The following ABL1 variants were observed in gnomAD, a reference collection of about 807,000 sequenced individuals.
ABL1 encodes ABL proto-oncogene 1, non-receptor tyrosine kinase.
ABL1 carries 11 observed loss-of-function variants against 94.7 expected under a neutral mutation model. The ratio of observed to expected loss-of-function variants is 0.12; its 90% CI spans 0.07 to 0.19. The LOEUF (loss-of-function observed/expected upper bound fraction) is 0.19. Ranked by LOEUF, ABL1 falls within the 10% of genes least tolerant of loss-of-function variation. The pLI, the probability that ABL1 is intolerant of heterozygous loss-of-function variation, is 1.00. For synonymous variants in ABL1, 656 were observed against 622.4 expected (o/e 1.05, Z -0.80); for missense variants, 1,082 against 1,489.4 (o/e 0.73, Z 4.50).
Position 130,855,022 on chromosome 9 carries a change from G to A in ABL1, c.475G>A (p.Gly159Ser), listed in dbSNP as rs1064153. The A allele has an allele frequency of 6.2e-7, 1 of 1,614,166 alleles. No individual in the cohort carries two copies. The highest frequency in any genetic ancestry group is 8.5e-7 in the Non-Finnish European group (1 of 1,180,030). The change falls in exon 3 of 11, where the codon GGC (glycine) becomes AGC (serine). Residue 159 changes from glycine to serine, a missense_variant. Gly to Ser is a moderately conservative substitution (Grantham distance 56). Around this residue, in one of 7 missense-constraint regions of ABL1, gnomAD observed 47 missense variants for 142.2 expected, o/e 0.33. Coordinates refer to ENST00000318560, the MANE Select transcript of ABL1 (RefSeq NM_005157.6). ...GGTGCGTGAGAGTGAGAGCAGTCCT[G>A]GCCAGAGGTCCATCTCGCTGAGATA... ...FLVRESESSP[G>S]QRSISLRYEG...
intron 1 of ABL1, among the ~76,000 whole-genome samples, chr9:130,725,824 GT>G (rs34517462): frequency 2.9e-3 from 217 of 75,994 alleles, no homozygotes; most frequent in African/African-American, 0.01. Flanking sequence ...GTGTATGGTG[GT>G]TTTTTTTTTT....
chr9:130,840,527 T>G (rs1292709648), intron 1 of ABL1, among the ~76,000 whole-genome samples: 11 of 152,234 alleles, frequency 7.2e-5, no homozygotes, highest in Admixed American at 7.2e-4. Context: ...GGTAGCTTTC[T>G]TAAATACATA....
chr9:130,870,775 G>A (rs1831239287), intron 4 of ABL1, among the ~76,000 whole-genome samples: 2 of 152,158 alleles, frequency 1.3e-5, no homozygotes, highest in Admixed American at 1.3e-4. Flanking sequence ...TTTAAAGAGC[G>A]ATAAATTGTT....
At chr9:130,854,662 C>T (rs867238359) in intron 2 of ABL1, 139 bp from the exon 3 acceptor site, 1 of 887,046 alleles carries the variant, frequency 1.1e-6, no homozygotes. Context: ...CTTATAAATG[C>T]ATATCTTTAT....
rs34978348 is a variant in ABL1, at chr9:130,814,285, C to CAA, written c.137-39770_137-39769dup. Among the ~76,000 whole-genome samples, 12 of 138,158 alleles carry CAA rather than the reference C, an allele frequency of 8.7e-5. No homozygotes were observed. The highest frequency in any genetic ancestry group is 4.4e-4 in the East Asian group (2 of 4,514). 90.6% of individuals were successfully genotyped at this position (138,158 alleles called of 152,430 possible). The stretch of plus-strand genomic sequence containing the variant: ...CTAGCGACAGAACGAGACTCCGTCT[C>CAA]AAAAAAAAAAGAAAGAAAGAAAGAA... On this transcript the variant is annotated intron_variant, in intron 1 of 10. Transcript: ENST00000372348. This position sits in a 1 kb window ranked among gnomAD's most constrained non-coding sequence, Gnocchi z 4.4.
intron 1 of ABL1, among the ~76,000 whole-genome samples, chr9:130,729,218 A>T (rs186770051): frequency 2.6e-5 from 4 of 152,274 alleles, no homozygotes; most frequent in Admixed American, 2.0e-4. Context: ...CCCTGGATGA[A>T]CTGGTACTTG....
chr9:130,854,271 A>G (rs764420863), intron 2 of ABL1, 34 bp downstream of exon 2: 1 of 1,600,860 alleles, frequency 6.2e-7, no homozygotes, highest in African/African-American at 1.3e-5. Context: ...TGGTGGTTGC[A>G]GGAGATAGAA....
chr9:130,735,444 TCTC>T (rs962360196), intron 1 of ABL1, among the ~76,000 whole-genome samples: 3 of 151,952 alleles, frequency 2.0e-5, no homozygotes, highest in East Asian at 3.9e-4. Context: ...TCCTTTTCCT[TCTC>T]CTACTCCTCT....
At chr9:130,761,858 C>T (rs780407699) in intron 1 of ABL1, among the ~76,000 whole-genome samples, 1 of 152,020 alleles carries the variant, frequency 6.6e-6, no homozygotes, top group African/African-American at 2.4e-5. Context: ...TAAGAAAATT[C>T]ACATCTGGGC....
intron 1 of ABL1, among the ~76,000 whole-genome samples, chr9:130,757,535 C>CA (rs1192861279): frequency 2.6e-5 from 2 of 78,018 alleles, no homozygotes; most frequent in East Asian, 8.6e-4. Flanking sequence ...GTACTCCAGG[C>CA]CTTTTTTTTT....
At chr9:130,742,130 G>C (rs1588218325) in intron 1 of ABL1, among the ~76,000 whole-genome samples, 1 of 152,218 alleles carries the variant, frequency 6.6e-6, no homozygotes, top group East Asian at 1.9e-4. Flanking sequence ...TATGTTCTCT[G>C]GTTGCCCCTG....
At chr9:130,775,818 A>G (rs1449968113) in intron 1 of ABL1, among the ~76,000 whole-genome samples, 1 of 152,170 alleles carries the variant, frequency 6.6e-6, no homozygotes, top group Non-Finnish European at 1.5e-5. Context: ...CTTAAAAGCA[A>G]TCAGAGAGAA....
intron 1 of ABL1, among the ~76,000 whole-genome samples, chr9:130,783,961 A>T (rs1224923125): frequency 6.6e-6 from 1 of 152,150 alleles, no homozygotes; most frequent in African/African-American, 2.4e-5. Context: ...CAGCTTGTGC[A>T]TGTGTGTTTT....
intron 1 of ABL1, among the ~76,000 whole-genome samples, chr9:130,844,716 A>G (rs1002484120): frequency 3.9e-5 from 6 of 152,236 alleles, no homozygotes; most frequent in East Asian, 1.9e-4. Flanking sequence ...CAGGAGACTC[A>G]CTTGAACCCG....
At chr9:130,828,830 G>A (rs1830460011) in intron 1 of ABL1, among the ~76,000 whole-genome samples, 1 of 152,150 alleles carries the variant, frequency 6.6e-6, no homozygotes, top group African/African-American at 2.4e-5. Flanking sequence ...TGGAGGAGAA[G>A]TTAGGAGACG....
intron 1 of ABL1, among the ~76,000 whole-genome samples, chr9:130,716,285 C>T (rs955564016): frequency 6.6e-6 from 1 of 151,848 alleles, no homozygotes; most frequent in Non-Finnish European, 1.5e-5. Context: ...TTAGTAGAGA[C>T]GGGGTTTCGC....
At chr9:130,795,276 G>A (rs1564291899) in intron 1 of ABL1, among the ~76,000 whole-genome samples, 2 of 152,208 alleles carry the variant, frequency 1.3e-5, no homozygotes, top group South Asian at 4.1e-4. Context: ...TTCCACTTCA[G>A]ATGGCACTGA....
intron 1 of ABL1, among the ~76,000 whole-genome samples, chr9:130,850,334 T>C (rs1830836174): frequency 6.6e-6 from 1 of 151,588 alleles, no homozygotes. Context: ...CAGTAAATGA[T>C]TGGAATGAAT....
At chr9:130,834,045 T>C (rs949942276), upstream of ABL1, 5 of 456,002 alleles carry the variant, frequency 1.1e-5, no homozygotes, top group African/African-American at 4.0e-5. Flanking sequence ...CAGACCTGGG[T>C]TGAGTCCATC....
Sources: gnomAD v4.1 joint callset for allele counts (sites outside exome capture counted in the v4.1 genomes callset) on GRCh38, gnomAD v4.1.1 for gene constraint, gnomAD v4.1.1 regional missense constraint, Gnocchi (gnomAD v3.1) non-coding constraint, MANE v1.5 for transcripts, NCBI Gene and HGNC (gene_info 2026-07-23, HGNC 2026-07-21) for gene names.